The following DLG2 variants were observed in gnomAD, a reference collection of about 807,000 sequenced individuals.
DLG2 encodes the protein disks large homolog 2.
A neutral mutation model predicts 132.5 loss-of-function variants in DLG2; 45 were observed. The observed-to-expected ratio is 0.34, with a 90% CI of 0.27 to 0.44. DLG2 has a LOEUF of 0.44. Ranked by LOEUF, DLG2 falls within the 20% of genes least tolerant of loss-of-function variation. DLG2 has a pLI of 1.00. For missense variants in DLG2, 1,045 were observed against 1,196.9 expected, an observed-to-expected ratio of 0.87 and a Z score of 1.87; for synonymous variants, 424 against 419.6, an observed-to-expected ratio of 1.01 and a Z score of -0.13.
intron 15 of DLG2, among the ~76,000 whole-genome samples, chr11:83,903,120 T>G (rs1013539158): frequency 6.6e-6 from 1 of 152,118 alleles, no homozygotes; most frequent in Non-Finnish European, 1.5e-5. Context: ...TAACAGGTAT[T>G]GATTTAATTT....
chr11:83,919,610 C>T (rs1334975005), intron 15 of DLG2, among the ~76,000 whole-genome samples: 1 of 152,142 alleles, frequency 6.6e-6, no homozygotes, highest in East Asian at 1.9e-4. Flanking sequence ...GTCCCTAAAT[C>T]TTCTGAGAAC....
chr11:85,537,292 G>A (rs995439986), intron 3 of DLG2, among the ~76,000 whole-genome samples: 4 of 152,200 alleles, frequency 2.6e-5, no homozygotes, highest in Non-Finnish European at 4.4e-5. Flanking sequence ...ATAAAAGCAG[G>A]CGACCAGAGC....
chr11:84,762,457 G>T (rs1363142778), intron 6 of DLG2, among the ~76,000 whole-genome samples: 1 of 152,146 alleles, frequency 6.6e-6, no homozygotes, highest in East Asian at 1.9e-4. Context: ...TTCCTAAGAG[G>T]ATTTAAAGCA....
chr11:85,306,436 C>T (rs2079945960), intron 3 of DLG2, among the ~76,000 whole-genome samples: 1 of 152,294 alleles, frequency 6.6e-6, no homozygotes, highest in Non-Finnish European at 1.5e-5. Flanking sequence ...GCAAATAAAC[C>T]TAGTCTCAGG....
intron 4 of DLG2, among the ~76,000 whole-genome samples, chr11:85,190,638 G>T (rs749068607): frequency 6.6e-6 from 1 of 152,096 alleles, no homozygotes. Context: ...AAGAAAAAGA[G>T]AAGATCCAAA....
At chr11:84,725,656 C>T (rs2062359565) in intron 6 of DLG2, among the ~76,000 whole-genome samples, 1 of 152,084 alleles carries the variant, frequency 6.6e-6, no homozygotes. Flanking sequence ...TACTCAAAGT[C>T]CATACAAATG....
At chr11:84,147,537 T>C (rs2095130725) in intron 9 of DLG2, among the ~76,000 whole-genome samples, 1 of 152,168 alleles carries the variant, frequency 6.6e-6, no homozygotes. Context: ...CTGTAATTTC[T>C]TATCTAGCCT....
chr11:84,586,680 T>G (rs2154529948), intron 6 of DLG2, among the ~76,000 whole-genome samples: 1 of 152,270 alleles, frequency 6.6e-6, no homozygotes, highest in Admixed American at 6.5e-5. Context: ...TTTTGCTTTA[T>G]ATTTGTTATT....
intron 5 of DLG2, among the ~76,000 whole-genome samples, chr11:85,141,655 CAG>C (rs1419764387): frequency 6.6e-6 from 1 of 151,932 alleles, no homozygotes; most frequent in South Asian, 2.1e-4. Flanking sequence ...AGAGTTTCTT[CAG>C]AGTTTTCTTT....
chr11:83,870,204 G>A (rs960846176), intron 16 of DLG2, among the ~76,000 whole-genome samples: 3 of 152,182 alleles, frequency 2.0e-5, no homozygotes, highest in African/African-American at 7.2e-5. Context: ...CAGTGGTGAA[G>A]CCTGTGCTTT....
intron 9 of DLG2, among the ~76,000 whole-genome samples, chr11:84,111,797 G>C (rs1356409779): frequency 6.6e-6 from 1 of 152,158 alleles, no homozygotes; most frequent in East Asian, 1.9e-4. Flanking sequence ...GGAACAGCAT[G>C]AGTACGGCAC....
chr11:84,071,584 G>T (rs2096757952), intron 10 of DLG2, among the ~76,000 whole-genome samples: 1 of 151,902 alleles, frequency 6.6e-6, no homozygotes, highest in Admixed American at 6.6e-5. Context: ...AGCCCTTATT[G>T]TCAATCACCT....
chr11:85,173,238 C>A (rs546058296), intron 4 of DLG2, among the ~76,000 whole-genome samples: 1 of 152,274 alleles, frequency 6.6e-6, no homozygotes, highest in Non-Finnish European at 1.5e-5. Flanking sequence ...GGCCAGGTGA[C>A]TAACAAAGAG....
At chr11:85,455,984 C>G (rs1304513083) in intron 3 of DLG2, among the ~76,000 whole-genome samples, 1 of 151,964 alleles carries the variant, frequency 6.6e-6, no homozygotes, top group Non-Finnish European at 1.5e-5. Flanking sequence ...TATTGTGTCT[C>G]TGCCAGGTTT....
chr11:85,345,983 AC>A (rs2082810707), intron 3 of DLG2, among the ~76,000 whole-genome samples: 1 of 152,042 alleles, frequency 6.6e-6, no homozygotes. Flanking sequence ...TGGATCTCGT[AC>A]AAGAAAGAAT....
At chr11:84,704,941 T>G (rs1221085242) in intron 6 of DLG2, among the ~76,000 whole-genome samples, 1 of 149,066 alleles carries the variant, frequency 6.7e-6, no homozygotes, top group East Asian at 2.0e-4. Flanking sequence ...ATATATTATA[T>G]ATATATTTTA....
At chr11:84,556,393 T>A (rs987424998) in intron 6 of DLG2, among the ~76,000 whole-genome samples, 7 of 152,194 alleles carry the variant, frequency 4.6e-5, no homozygotes, top group Non-Finnish European at 8.8e-5. Context: ...ATTTCTGTTT[T>A]GGCTCATAGC....
At chr11:84,232,055 C>A (rs991638471) in intron 8 of DLG2, among the ~76,000 whole-genome samples, 1 of 151,516 alleles carries the variant, frequency 6.6e-6, no homozygotes, top group African/African-American at 2.4e-5. Flanking sequence ...GAAACTAAAG[C>A]CAGACTATGT....
intron 6 of DLG2, among the ~76,000 whole-genome samples, chr11:84,543,133 A>G (rs1163716786): frequency 6.6e-6 from 1 of 152,208 alleles, no homozygotes; most frequent in Non-Finnish European, 1.5e-5. Flanking sequence ...ATCAATATTT[A>G]TATTCATTTC....
Sources: allele counts gnomAD v4.1 joint callset (sites outside exome capture counted in the v4.1 genomes callset), GRCh38; gene constraint gnomAD v4.1.1; transcripts MANE v1.5; gene names NCBI Gene and HGNC (gene_info 2026-07-23, HGNC 2026-07-21).